Variants in ATAD3B observed in about 807,000 individuals in gnomAD.
The protein encoded by ATAD3B is ATPase family AAA domain-containing protein 3B.
In ATAD3B, 59 loss-of-function variants were observed where a neutral mutation model predicts 70.2. The observed-to-expected ratio is 0.84, with a 90% confidence interval of 0.68 to 1.04. The LOEUF is 1.04. ATAD3B is among the 50% of genes least tolerant of loss of function. The pLI is 0.00. For missense variants in ATAD3B, 961 were observed against 913.4 expected (o/e 1.05, Z -0.67); for synonymous variants, 423 against 388.6 (o/e 1.09, Z -1.04).
chr1:1,478,292 C>A, intron 2 of ATAD3B: 2 of 905,608 alleles, frequency 2.2e-6, no homozygotes, highest in Non-Finnish European at 3.2e-6. Flanking sequence ...CGATGGCGCC[C>A]GGCCCACTCA....
chr1:1,498,133 A>ATG, downstream of ATAD3B, among the ~76,000 whole-genome samples: 1 of 150,504 alleles, frequency 6.6e-6, no homozygotes, highest in African/African-American at 2.4e-5. Context: ...TGAAACCCCC[A>ATG]TCTCTATTAA....
At chr1:1,477,539 G>A (rs1014392841) in intron 2 of ATAD3B, among the ~76,000 whole-genome samples, 189 bp downstream of exon 2, 4 of 151,858 alleles carry the variant, frequency 2.6e-5, no homozygotes, top group Non-Finnish European at 5.9e-5. Flanking sequence ...CCGCAGAGCC[G>A]CCCGAGAGGG....
Position 1,497,210 on chromosome 1 carries a change from T to TTC in ATAD3B, c.*1399_*1400dup, listed in dbSNP as rs912253444. On this transcript the variant is annotated 3_prime_UTR_variant, in exon 16 of 16. Coordinates refer to ENST00000673477, the MANE Select transcript of ATAD3B (RefSeq NM_031921.6). ...CTCTACCTCTGCTCGCTCTCTCCAT[T>TTC]TCTCTCTTTTTCCTTTTAGAGATGG... 1 of 151,740 alleles carries TTC rather than the reference T, an allele frequency of 6.6e-6. No individual in the cohort carries two copies. Among genetic ancestry groups the TTC allele is most frequent in the Non-Finnish European group, 1.5e-5 (1 of 68,204 alleles). The allele number at this position is 151,740 out of a possible 1,614,324, so 9.4% of individuals were successfully genotyped here.
intron 1 of ATAD3B, among the ~76,000 whole-genome samples, chr1:1,476,827 G>A (rs1252720010): frequency 6.6e-6 from 1 of 151,206 alleles, no homozygotes; most frequent in Non-Finnish European, 1.5e-5. Flanking sequence ...TTTTTTTAGA[G>A]ACGGAGTTGC....
At chr1:1,501,258 G>GT (rs1640939759), downstream of ATAD3B, among the ~76,000 whole-genome samples, 2 of 124,368 alleles carry the variant, frequency 1.6e-5, no homozygotes, top group African/African-American at 8.5e-5. Context: ...GCTAATTTTT[G>GT]TATTTTTTTT....
chr1:1,486,771 A>C, intron 11 of ATAD3B, 103 bp downstream of exon 11: 1 of 1,482,032 alleles, frequency 6.7e-7, no homozygotes, highest in South Asian at 1.3e-5. Flanking sequence ...GTCTTTCTGC[A>C]GCTCTGTCCT....
intron 2 of ATAD3B, among the ~76,000 whole-genome samples, chr1:1,477,618 G>A (rs1160359253): frequency 6.6e-6 from 1 of 151,918 alleles, no homozygotes; most frequent in Non-Finnish European, 1.5e-5. Flanking sequence ...GCATCTGGTC[G>A]TCCTGAGGGA....
At chr1:1,476,199 C>A (rs957591355) in intron 1 of ATAD3B, among the ~76,000 whole-genome samples, 1 of 148,014 alleles carries the variant, frequency 6.8e-6, no homozygotes, top group African/African-American at 2.6e-5. Context: ...TGAAATGTGA[C>A]GCTGATGCCC....
chr1:1,487,790 G>T, intron 11 of ATAD3B, 73 bp from the exon 12 acceptor site: 1 of 1,573,286 alleles, frequency 6.4e-7, no homozygotes, highest in Non-Finnish European at 8.7e-7. Context: ...GCCTGCTCCT[G>T]CCGCGGCCGG....
downstream of ATAD3B, among the ~76,000 whole-genome samples, chr1:1,500,961 C>A (rs376841651): frequency 2.0e-5 from 3 of 152,014 alleles, no homozygotes; most frequent in African/African-American, 7.2e-5. Flanking sequence ...CTCTCAAAAG[C>A]CACTCCAAAG....
In ATAD3B at chr1:1,486,387, G is replaced by A. The variant is rs1440765838; in HGVS notation, c.1089+152G>A. On this transcript the variant is annotated intron_variant, in intron 10 of 15. Coordinates refer to ENST00000673477, the MANE Select transcript of ATAD3B (RefSeq NM_031921.6). ...TCAGGGTGCTGGTGTGGGCAGCAGC[G>A]CCTCCCATCTTCCAGGCGGGGGACG... The A allele has an allele frequency of 4.6e-5, 73 of 1,575,976 alleles. 1 individual carries two copies. The highest frequency in any genetic ancestry group is 2.5e-4 in the East Asian group (11 of 44,300).
At chr1:1,475,465 G>A (rs1639542987) in intron 1 of ATAD3B, among the ~76,000 whole-genome samples, 5 of 151,266 alleles carry the variant, frequency 3.3e-5, no homozygotes, top group African/African-American at 1.2e-4. Context: ...GGGTCGCCGA[G>A]ATTCGCCCGT....
chr1:1,490,668 G>A lies in ATAD3B; in HGVS notation c.1611G>A (p.Trp537Ter). The A allele has an allele frequency of 1.9e-6, 3 of 1,585,834 alleles. No individual in the cohort carries two copies. The highest frequency in any genetic ancestry group is 2.6e-6 in the Non-Finnish European group (3 of 1,167,018). Reference protein sequence around the residue: ...GREIAQLAVSWQATAYASKDG... With the variant: ...GREIAQLAVS ...AGATCGCTCAGCTGGCCGTGTCCTGGCAGGTGAGTCAGGCTCCGGCACGTC... is the reference window on the plus strand; with the variant it reads ...AGATCGCTCAGCTGGCCGTGTCCTGACAGGTGAGTCAGGCTCCGGCACGTC... Residue 537 changes from tryptophan (W) to a stop codon, truncating the protein, a stop_gained, in exon 15 of 16, where the codon TGG becomes TGA. Coordinates refer to ENST00000673477, the MANE Select transcript of ATAD3B (RefSeq NM_031921.6). LOFTEE classifies it low-confidence loss of function (END_TRUNC).
rs900661620 is a variant in ATAD3B at position 1,487,318 on chromosome 1, C to G, written c.1215-545C>G. Among the ~76,000 whole-genome samples the G allele has an allele frequency of 1.3e-4, 19 of 151,762 alleles. 1 individual carries two copies. Among genetic ancestry groups the G allele is most frequent in the African/African-American group, 4.6e-4 (19 of 41,342 alleles). ...CCTGGCTAACTTGGTGAAACCCCGT[C>G]TCTACTAAAAATACAAAAAATTAGC... On this transcript the variant is annotated intron_variant, in intron 11 of 15. Coordinates refer to ENST00000673477, the MANE Select transcript of ATAD3B (RefSeq NM_031921.6).
At position 1,482,165 on chromosome 1, in the gene ATAD3B, G is replaced by C. The variant is rs750177161; in HGVS notation, c.542G>C (p.Arg181Pro). 1.2e-6 allele frequency: 2 copies of C among 1,610,024 alleles called. No homozygotes were observed. The change falls in exon 6 of 16, where the codon CGG (arginine) becomes CCG (proline). Residue 181 changes from arginine to proline, a missense_variant. Arg to Pro is a moderately radical substitution (Grantham distance 103, BLOSUM62 -2). Coordinates refer to ENST00000673477, the MANE Select transcript of ATAD3B (RefSeq NM_031921.6). The part of the protein sequence containing the change: ...RATVEREMEL[R>P]HKNEMLRVET... ...ACCGTGGAGCGGGAGATGGAGCTGC[G>C]GCACAAGAATGAGATGCTGCGAGTG...
the ATAD3B span, among the ~76,000 whole-genome samples, chr1:1,506,612 A>G: frequency 6.6e-6 from 1 of 152,024 alleles, no homozygotes; most frequent in Admixed American, 6.6e-5. Context: ...ATTTCCAAGT[A>G]TTTTATTCTT....
chr1:1,485,521 C>T (rs1402163085), intron 8 of ATAD3B, among the ~76,000 whole-genome samples: 1 of 151,952 alleles, frequency 6.6e-6, no homozygotes, highest in Non-Finnish European at 1.5e-5. Flanking sequence ...CGCCGCTTGC[C>T]AGCCCCTGAG....
chr1:1,509,123 C>G, the ATAD3B span: 1 of 1,521,184 alleles, frequency 6.6e-7, no homozygotes, highest in Non-Finnish European at 8.8e-7. Context: ...GGTTTGGTCC[C>G]TCCCCACCTC....
chr1:1,483,077 G>A (rs1370922634), intron 7 of ATAD3B: 2 of 454,492 alleles, frequency 4.4e-6, no homozygotes. Flanking sequence ...GGCGGATCAC[G>A]AGGTCCGGAG....
Sources: gnomAD v4.1 joint callset for allele counts (sites outside exome capture counted in the v4.1 genomes callset) on GRCh38, gnomAD v4.1.1 for gene constraint, MANE v1.5 for transcripts, NCBI Gene and HGNC (gene_info 2026-07-23, HGNC 2026-07-21) for gene names.